ABCB5: variants seen among roughly 807,000 people sequenced by gnomAD.
The protein encoded by ABCB5 is ATP-binding cassette sub-family B member 5.
A neutral mutation model predicts 144.2 loss-of-function variants in ABCB5; 155 were observed. The observed-to-expected ratio is 1.08, with a 90% CI of 0.94 to 1.23. ABCB5 has a LOEUF of 1.23. Ranked by LOEUF, ABCB5 falls within the 50% of genes most tolerant of loss-of-function variation. ABCB5 has a pLI of 0.00. For synonymous variants in ABCB5, 610 were observed against 528.6 expected, an observed-to-expected ratio of 1.15 and a Z score of -2.11; for missense variants, 1,830 against 1,520.8, an observed-to-expected ratio of 1.20 and a Z score of -3.38.
At chr7:20,659,318 T>A (rs903724418) in intron 14 of ABCB5, 13 of 1,410,442 alleles carry the variant, frequency 9.2e-6, no homozygotes, top group Non-Finnish European at 1.0e-5. Flanking sequence ...GACTCCCTTA[T>A]AAACCAGAGC....
At chr7:20,619,178 G>A (rs988390299) in intron 1 of ABCB5, among the ~76,000 whole-genome samples, 6 of 152,128 alleles carry the variant, frequency 3.9e-5, no homozygotes, top group South Asian at 2.1e-4. Flanking sequence ...GAGTGCATGC[G>A]TCTGTTGTGT....
intron 5 of ABCB5, among the ~76,000 whole-genome samples, chr7:20,636,445 G>A (rs1417496490): frequency 1.3e-5 from 2 of 151,974 alleles, no homozygotes; most frequent in African/African-American, 4.8e-5. Flanking sequence ...TATAGTACTT[G>A]TTATACCATT....
chr7:20,705,690 G>C (rs2128044709), intron 20 of ABCB5, among the ~76,000 whole-genome samples: 1 of 152,232 alleles, frequency 6.6e-6, no homozygotes, highest in African/African-American at 2.4e-5. Flanking sequence ...GGAATACTGA[G>C]ATGTTGCTTG....
chr7:20,668,648 C>G (rs1330670255), intron 14 of ABCB5, among the ~76,000 whole-genome samples: 3 of 144,062 alleles, frequency 2.1e-5, no homozygotes. Flanking sequence ...GTGAGGGACT[C>G]CTCTGCCCGG....
At chr7:20,629,998 C>G (rs1459539815) in intron 4 of ABCB5, among the ~76,000 whole-genome samples, 1 of 152,106 alleles carries the variant, frequency 6.6e-6, no homozygotes, top group African/African-American at 2.4e-5. Context: ...AAGGTGTTTT[C>G]ATATTGCTCT....
At chr7:20,738,844 T>C in intron 23 of ABCB5, 139 bp from the exon 24 acceptor site, 1 of 854,298 alleles carries the variant, frequency 1.2e-6, no homozygotes, top group Non-Finnish European at 1.6e-6. Flanking sequence ...AGAGATAACT[T>C]GGTGGGTCTT....
chr7:20,704,237 C>A (rs573757133), intron 19 of ABCB5, among the ~76,000 whole-genome samples: 1 of 151,904 alleles, frequency 6.6e-6, no homozygotes, highest in South Asian at 2.1e-4. Flanking sequence ...CCACCATGCC[C>A]AGCTAATGTT....
intron 14 of ABCB5, among the ~76,000 whole-genome samples, chr7:20,670,863 C>T (rs6943237): frequency 0.87 from 132,904 of 152,088 alleles, 58,059 homozygotes; most frequent in East Asian, 0.98. Context: ...GAGCCGAGAT[C>T]GTGCCATTGC....
intron 20 of ABCB5, among the ~76,000 whole-genome samples, chr7:20,717,321 A>G (rs1298546059): frequency 6.6e-6 from 1 of 152,130 alleles, no homozygotes; most frequent in African/African-American, 2.4e-5. Flanking sequence ...CCCAAGAACA[A>G]GATGTCCGCA....
intron 24 of ABCB5, among the ~76,000 whole-genome samples, chr7:20,739,529 G>A (rs1782494709): frequency 1.3e-5 from 2 of 150,848 alleles, no homozygotes; most frequent in South Asian, 2.1e-4. Flanking sequence ...GGGAAAAGGG[G>A]TCTTGTCTTA....
intron 14 of ABCB5, among the ~76,000 whole-genome samples, chr7:20,676,888 A>G (rs1413276524): frequency 6.6e-6 from 1 of 152,208 alleles, no homozygotes; most frequent in African/African-American, 2.4e-5. Flanking sequence ...AAATTGGCAG[A>G]AACAAGATCC....
chr7:20,669,062 G>A (rs1583412667), intron 14 of ABCB5, among the ~76,000 whole-genome samples: 1 of 24,270 alleles, frequency 4.1e-5, no homozygotes, highest in Non-Finnish European at 1.4e-4. Context: ...GAAGTGAGGA[G>A]CCCCTCTGCC....
intron 20 of ABCB5, among the ~76,000 whole-genome samples, chr7:20,718,829 G>A (rs959155076): frequency 5.9e-5 from 9 of 152,078 alleles, no homozygotes; most frequent in Non-Finnish European, 8.8e-5. Context: ...GCCAGTGGAA[G>A]TCCCTTCAAG....
Position 20,686,207 on chromosome 7 carries a change from G to A in ABCB5, c.2010+371G>A, listed in dbSNP as rs182629082. On this transcript the variant is annotated intron_variant, in intron 16 of 27. Coordinates refer to ENST00000404938, the MANE Select transcript of ABCB5 (RefSeq NM_001163941.2). ...AGAGGCATAAATGCATGCCACTCCC[G>A]GAATGCAGATAGGCCCAGCACATAC... 5.0e-3 allele frequency among the ~76,000 whole-genome samples: 757 copies of A among 152,256 alleles called. 20 individuals carry two copies. The highest frequency in any genetic ancestry group is 0.036 in the Admixed American group (555 of 15,302).
rs564951613 is a variant in ABCB5 at position 20,714,334 on chromosome 7, T to C, written c.2422-8682T>C. Among the ~76,000 whole-genome samples, 98 of 152,052 alleles carry C rather than the reference T, an allele frequency of 6.4e-4. 2 individuals carry two copies. The highest frequency in any genetic ancestry group is 2.3e-3 in the African/African-American group (94 of 41,350). On this transcript the variant is annotated intron_variant, in intron 20 of 27. Transcript: ENST00000404938. ...TTATCTCAAGAATTAAACAAGACTT[T>C]TTGTTCTTAATTTCAAAAAAAAAAC... is the stretch of plus-strand genomic sequence containing the variant.
chr7:20,703,191 G>A (rs1458775329), intron 19 of ABCB5, among the ~76,000 whole-genome samples: 1 of 152,110 alleles, frequency 6.6e-6, no homozygotes, highest in Non-Finnish European at 1.5e-5. Context: ...TCCATGTCAT[G>A]TTGAAATCTA....
At chr7:20,681,208 C>A (rs1413630248) in intron 14 of ABCB5, among the ~76,000 whole-genome samples, 1 of 151,622 alleles carries the variant, frequency 6.6e-6, no homozygotes, top group African/African-American at 2.4e-5. Flanking sequence ...CTCACTGCAA[C>A]CTCTGCCTCC....
At chr7:20,728,551 T>C in intron 23 of ABCB5, 96 bp downstream of exon 23, 4 of 1,393,238 alleles carry the variant, frequency 2.9e-6, no homozygotes, top group Non-Finnish European at 3.9e-6. Flanking sequence ...GTCAGGAGTT[T>C]GAGATCAGCC....
intron 4 of ABCB5, among the ~76,000 whole-genome samples, chr7:20,630,034 G>A (rs545541780): frequency 2.6e-5 from 4 of 151,748 alleles, no homozygotes; most frequent in Non-Finnish European, 5.9e-5. Flanking sequence ...TTCGTGTATC[G>A]TTTGTAGCCT....
Sources: gnomAD v4.1 joint callset for allele counts (sites outside exome capture counted in the v4.1 genomes callset) on GRCh38, gnomAD v4.1.1 for gene constraint, MANE v1.5 for transcripts, NCBI Gene and HGNC (gene_info 2026-07-23, HGNC 2026-07-21) for gene names.